Variants in HS6ST3 observed in about 807,000 individuals in gnomAD.
The protein encoded by HS6ST3 is heparan sulfate 6-O-sulfotransferase 3.
In HS6ST3, 12 loss-of-function variants were observed where a neutral mutation model predicts 36.7. That is an observed-to-expected ratio of 0.33 (90% CI 0.21 to 0.53). HS6ST3 has a LOEUF of 0.53. Among genes scored for constraint, HS6ST3 ranks in the 20% least tolerant of loss-of-function variants. The probability of loss-of-function intolerance (pLI) is 0.95; values close to 1 mark genes in which losing one functional copy is unlikely to be tolerated. For missense variants in HS6ST3, 584 were observed against 640.9 expected (o/e 0.91, Z 0.96); for synonymous variants, 240 against 257.5 (o/e 0.93, Z 0.65).
chr13:96,697,892 A>T (rs1270320054), intron 1 of HS6ST3, among the ~76,000 whole-genome samples: 1 of 152,224 alleles, frequency 6.6e-6, no homozygotes, highest in African/African-American at 2.4e-5. Context: ...AACTAAAAGT[A>T]TAAGGGAAAA....
At chr13:96,583,283 G>A (rs1228253982) in intron 1 of HS6ST3, among the ~76,000 whole-genome samples, 5 of 113,444 alleles carry the variant, frequency 4.4e-5, no homozygotes, top group East Asian at 3.1e-4. Context: ...GTGCCATCTC[G>A]GCTCACTGCA....
chr13:96,455,338 G>A (rs1025197757), intron 1 of HS6ST3, among the ~76,000 whole-genome samples: 1 of 152,036 alleles, frequency 6.6e-6, no homozygotes, highest in Non-Finnish European at 1.5e-5. Context: ...TCCCACCTCA[G>A]CATCCTGAAT....
chr13:96,351,381 G>T (rs567494825), intron 1 of HS6ST3, among the ~76,000 whole-genome samples: 180 of 149,926 alleles, frequency 1.2e-3, no homozygotes, highest in African/African-American at 4.2e-3. Flanking sequence ...GAGTGCAGTG[G>T]CATGATCATG....
chr13:96,678,690 A>AC (rs1469861022), intron 1 of HS6ST3, among the ~76,000 whole-genome samples: 1 of 152,116 alleles, frequency 6.6e-6, no homozygotes, highest in East Asian at 1.9e-4. Flanking sequence ...TAAAAAAAAA[A>AC]CAAAACTAAA....
chr13:96,658,606 A>G (rs994369732), intron 1 of HS6ST3, among the ~76,000 whole-genome samples: 2 of 148,310 alleles, frequency 1.3e-5, no homozygotes, highest in Admixed American at 6.8e-5. Context: ...ATTGATCATT[A>G]TTTGGGTTGT....
At chr13:96,609,906 A>T (rs544195972) in intron 1 of HS6ST3, among the ~76,000 whole-genome samples, 43 of 152,358 alleles carry the variant, frequency 2.8e-4, no homozygotes, top group Non-Finnish European at 5.9e-4. Flanking sequence ...TGAGGAAAGC[A>T]TATATGATAG....
intron 1 of HS6ST3, among the ~76,000 whole-genome samples, chr13:96,463,736 A>G (rs1488091901): frequency 6.6e-6 from 1 of 152,154 alleles, no homozygotes; most frequent in African/African-American, 2.4e-5. Flanking sequence ...ACTTCCTCAA[A>G]TCAGTAAGAA....
At chr13:96,572,882 G>C (rs539046368) in intron 1 of HS6ST3, among the ~76,000 whole-genome samples, 2 of 152,252 alleles carry the variant, frequency 1.3e-5, no homozygotes, top group South Asian at 4.1e-4. Flanking sequence ...CTAATTCCAA[G>C]AAGCAATGAT....
intron 1 of HS6ST3, among the ~76,000 whole-genome samples, chr13:96,504,238 C>A (rs2056017027): frequency 6.6e-6 from 1 of 152,132 alleles, no homozygotes; most frequent in African/African-American, 2.4e-5. Context: ...CCAAAGGTCA[C>A]ATAGCTGATG....
chr13:96,306,490 C>T (rs541653319), intron 1 of HS6ST3, among the ~76,000 whole-genome samples: 21 of 152,262 alleles, frequency 1.4e-4, no homozygotes, highest in South Asian at 4.2e-4. Flanking sequence ...GGATTACAGG[C>T]GTGAGTCACC....
chr13:96,776,626 C>G (rs773436147), intron 1 of HS6ST3, among the ~76,000 whole-genome samples: 1 of 152,112 alleles, frequency 6.6e-6, no homozygotes, highest in Non-Finnish European at 1.5e-5. Flanking sequence ...CATAGACCCT[C>G]GCAAGACTAA....
intron 1 of HS6ST3, among the ~76,000 whole-genome samples, chr13:96,127,525 C>T (rs1265108041): frequency 6.6e-6 from 1 of 152,180 alleles, no homozygotes; most frequent in Non-Finnish European, 1.5e-5. Context: ...CCACCTGGTT[C>T]CTAACAGGCG....
chr13:96,554,178 A>C (rs2056230804), intron 1 of HS6ST3, among the ~76,000 whole-genome samples: 1 of 152,196 alleles, frequency 6.6e-6, no homozygotes, highest in South Asian at 2.1e-4. Context: ...TTTCATATTA[A>C]TTTAAGGCAC....
intron 1 of HS6ST3, among the ~76,000 whole-genome samples, chr13:96,789,758 A>AT (rs57798551): frequency 0.5 from 74,891 of 150,612 alleles, 19,591 homozygotes; most frequent in African/African-American, 0.68. Flanking sequence ...TCTGTGGTTT[A>AT]GATTTAAAAA....
chr13:96,611,379 T>C (rs1302292690), intron 1 of HS6ST3, among the ~76,000 whole-genome samples: 1 of 152,130 alleles, frequency 6.6e-6, no homozygotes, highest in Non-Finnish European at 1.5e-5. Context: ...TAGTAGTTTT[T>C]ATATCAAATA....
At chr13:96,452,502 A>T (rs986604022) in intron 1 of HS6ST3, among the ~76,000 whole-genome samples, 1 of 152,132 alleles carries the variant, frequency 6.6e-6, no homozygotes, top group Admixed American at 6.6e-5. Context: ...AATGTCATTC[A>T]AATTTTCTTT....
intron 1 of HS6ST3, among the ~76,000 whole-genome samples, chr13:96,651,586 T>A (rs1173701766): frequency 6.6e-6 from 1 of 152,072 alleles, no homozygotes. Context: ...TGCAGAACTC[T>A]GATTCCTTCT....
intron 1 of HS6ST3, among the ~76,000 whole-genome samples, chr13:96,238,628 T>C (rs2054546053): frequency 6.6e-6 from 1 of 152,248 alleles, no homozygotes; most frequent in African/African-American, 2.4e-5. Flanking sequence ...ATTTTAGTTT[T>C]CTTTACAAGA....
chr13:96,598,919 T>C, intron 1 of HS6ST3, among the ~76,000 whole-genome samples: 1 of 152,188 alleles, frequency 6.6e-6, no homozygotes, highest in East Asian at 1.9e-4. Flanking sequence ...TCTTCCTCTA[T>C]TGAGATGATC....
Sources: gnomAD v4.1 joint callset for allele counts (sites outside exome capture counted in the v4.1 genomes callset) on GRCh38, gnomAD v4.1.1 for gene constraint, MANE v1.5 for transcripts, NCBI Gene and HGNC (gene_info 2026-07-23, HGNC 2026-07-21) for gene names.